The following FRMPD1 variants were observed in gnomAD, a reference collection of about 807,000 sequenced individuals.
FRMPD1 encodes FERM and PDZ domain-containing protein 1.
Under a neutral mutation model 117.8 loss-of-function variants are expected in FRMPD1, and 76 were observed. The ratio of observed to expected loss-of-function variants is 0.65; its 90% confidence interval spans 0.54 to 0.78. The LOEUF (loss-of-function observed/expected upper bound fraction) is 0.78. Ranked by LOEUF, FRMPD1 falls within the 30% of genes least tolerant of loss-of-function variation. The probability of loss-of-function intolerance (pLI) is 0.00; values close to 1 mark genes in which losing one functional copy is unlikely to be tolerated. For synonymous variants in FRMPD1, 783 were observed against 770.4 expected (o/e 1.02, Z -0.27); for missense variants, 1,786 against 1,964.5 (o/e 0.91, Z 1.72).
In FRMPD1 at chr9:37,746,537, GC is replaced by G; in HGVS notation, c.4507del (p.Leu1503CysfsTer22). The G allele has an allele frequency of 1.2e-6, 2 of 1,613,740 alleles. No homozygotes were observed. Among genetic ancestry groups the G allele is most frequent in the Non-Finnish European group, 1.7e-6 (2 of 1,179,986 alleles). Reference sequence around the variant, plus strand: ...TTCCAGCACCTGGTCCAGCTGGCCGGCCTGTGCTTTCAGTTCACAGACTGTA... The same window carrying G: ...TTCCAGCACCTGGTCCAGCTGGCCGGCTGTGCTTTCAGTTCACAGACTGTA... Reference protein sequence around the residue: ...DTFQHLVQLAGLCFQFTDCSR... With the variant: ...DTFQHLVQLAXLCFQFTDCSR... On this transcript the variant is annotated frameshift_variant, in exon 16 of 16. Transcript: ENST00000377765. LOFTEE classifies it high-confidence loss of function.
chr9:37,720,193 A>G (rs576839737), intron 6 of FRMPD1, among the ~76,000 whole-genome samples: 1 of 152,354 alleles, frequency 6.6e-6, no homozygotes, highest in Admixed American at 6.5e-5. Flanking sequence ...GGAAGGGGCC[A>G]GTGGGAGGCC....
chr9:37,639,533 A>G, the FRMPD1 span, among the ~76,000 whole-genome samples: 4 of 152,268 alleles, frequency 2.6e-5, no homozygotes, highest in East Asian at 5.8e-4. Context: ...GACATACATT[A>G]TGTCTCCTAG....
the FRMPD1 span, among the ~76,000 whole-genome samples, chr9:37,622,972 G>A: frequency 6.6e-6 from 1 of 151,520 alleles, no homozygotes; most frequent in Non-Finnish European, 1.5e-5. Context: ...TCTCCAAAGA[G>A]GGATCTTTTT....
At position 37,662,843 on chromosome 9, in the gene FRMPD1, C is replaced by G. The variant is rs943560584; in HGVS notation, c.-5+11749C>G. 6.6e-5 allele frequency among the ~76,000 whole-genome samples: 10 copies of G among 152,208 alleles called. No homozygotes were observed. The East Asian group carries it at 1.9e-3, about 29-fold the overall frequency. On this transcript the variant is annotated intron_variant, in intron 1 of 15. Coordinates refer to ENST00000377765, the MANE Select transcript of FRMPD1 (RefSeq NM_014907.3). ...TATGTACAGAAGCTCTTGGGACATG[C>G]AGCTCAGTTTAACAAGTACTGTTTG...
At chr9:37,695,997 T>G (rs1310891099) in intron 2 of FRMPD1, among the ~76,000 whole-genome samples, 8 of 150,014 alleles carry the variant, frequency 5.3e-5, no homozygotes, top group South Asian at 4.3e-4. Flanking sequence ...AGCCCAACTG[T>G]CCAGCCTCAC....
intron 2 of FRMPD1, among the ~76,000 whole-genome samples, chr9:37,696,432 A>G (rs923700645): frequency 1.3e-5 from 2 of 152,188 alleles, no homozygotes; most frequent in Non-Finnish European, 2.9e-5. Context: ...CGTCAGCCTT[A>G]ACAGAGTCCA....
intron 2 of FRMPD1, among the ~76,000 whole-genome samples, chr9:37,694,962 T>C (rs1822268977): frequency 6.6e-6 from 1 of 152,070 alleles, no homozygotes; most frequent in Non-Finnish European, 1.5e-5. Flanking sequence ...ATTCATCAGT[T>C]GATTTAACAT....
intron 1 of FRMPD1, among the ~76,000 whole-genome samples, chr9:37,660,576 G>A (rs1820972114): frequency 6.6e-6 from 1 of 152,170 alleles, no homozygotes; most frequent in South Asian, 2.1e-4. Context: ...TTTAAAGTAG[G>A]TTTAAACAAT....
chr9:37,701,510 C>CGTGTGTGTGTGT (rs58458625), intron 2 of FRMPD1, among the ~76,000 whole-genome samples: 64 of 146,806 alleles, frequency 4.4e-4, no homozygotes, highest in African/African-American at 1.6e-3. Flanking sequence ...TGTGCATGTA[C>CGTGTGTGTGTGT]GTGTGTGTGT....
In FRMPD1 at chr9:37,740,469, A is replaced by T. The variant is rs775575320; in HGVS notation, c.1941A>T (p.Arg647Ser). The T allele has an allele frequency of 1.2e-6, 2 of 1,614,166 alleles. No homozygotes were observed. The highest frequency in any genetic ancestry group is 1.7e-5 in the Admixed American group (1 of 60,026). Residue 647 changes from arginine to serine, a missense_variant, in exon 15 of 16, where the codon AGA (arginine) becomes AGT (serine). Physicochemically the swap from Arg to Ser is moderately radical, Grantham distance 110. Transcript: ENST00000377765. The surrounding 1 kb of genome is among the most constrained non-coding windows in gnomAD (Gnocchi z 4.2). ...ESIDSDSQEERSGIETSGFLC... is the reference protein window; with the variant it reads ...ESIDSDSQEESSGIETSGFLC... Reference sequence around the variant, plus strand: ...TTGACTCTGACAGCCAGGAGGAGAGAAGCGGGATTGAAACCAGTGGCTTCC... The same window carrying T: ...TTGACTCTGACAGCCAGGAGGAGAGTAGCGGGATTGAAACCAGTGGCTTCC...
intron 1 of FRMPD1, among the ~76,000 whole-genome samples, chr9:37,670,368 G>C (rs1821310236): frequency 6.6e-6 from 1 of 152,312 alleles, no homozygotes; most frequent in East Asian, 1.9e-4. Context: ...TGGAAGCCTA[G>C]AGATGGTAGA....
At chr9:37,694,240 T>C (rs1363916501) in intron 2 of FRMPD1, among the ~76,000 whole-genome samples, 2 of 152,252 alleles carry the variant, frequency 1.3e-5, no homozygotes, top group Non-Finnish European at 2.9e-5. Context: ...TGGGAAATGA[T>C]GCATCCTATA....
chr9:37,648,224 C>T (rs563928069), upstream of FRMPD1, among the ~76,000 whole-genome samples: 5 of 152,196 alleles, frequency 3.3e-5, no homozygotes, highest in Admixed American at 1.3e-4. Context: ...GGTTAAAAAG[C>T]AGCATTGGGA....
chr9:37,722,044 A>G (rs1823421722), intron 6 of FRMPD1, among the ~76,000 whole-genome samples: 1 of 152,210 alleles, frequency 6.6e-6, no homozygotes, highest in African/African-American at 2.4e-5. Flanking sequence ...AGTACTAAGG[A>G]AAAAATTTCC....
chr9:37,732,956 T>C lies in FRMPD1; in HGVS notation c.995+516T>C, dbSNP rs144100960. On this transcript the variant is annotated intron_variant, in intron 10 of 15. Coordinates refer to ENST00000377765, the MANE Select transcript of FRMPD1 (RefSeq NM_014907.3). ...AGCATCAGAATCAGATGGGGAATCA[T>C]ATTTTTAAAAATACAGCATATCCTT... is the stretch of plus-strand genomic sequence containing the variant. Among the ~76,000 whole-genome samples, 4 of 152,318 alleles carry C rather than the reference T, an allele frequency of 2.6e-5. No homozygotes were observed. In the East Asian group the frequency reaches 5.8e-4, roughly 22 times the overall value.
chr9:37,628,094 G>T, the FRMPD1 span, among the ~76,000 whole-genome samples: 62 of 152,306 alleles, frequency 4.1e-4, no homozygotes, highest in African/African-American at 1.4e-3. Context: ...ATGCTGTTTT[G>T]CACATAATAG....
intron 13 of FRMPD1, 95 bp from the exon 14 acceptor site, chr9:37,737,001 C>T: frequency 1.1e-6 from 1 of 931,536 alleles, no homozygotes; most frequent in Non-Finnish European, 1.7e-6. Context: ...CCGGATTTAC[C>T]TGGAATCTCT....
intron 14 of FRMPD1, among the ~76,000 whole-genome samples, chr9:37,739,646 A>C (rs886068157): frequency 6.6e-6 from 1 of 152,204 alleles, no homozygotes; most frequent in Non-Finnish European, 1.5e-5. Flanking sequence ...GACTCAGTAC[A>C]TCAGGGGTAG....
intron 5 of FRMPD1, among the ~76,000 whole-genome samples, chr9:37,717,223 A>C (rs1325398637): frequency 6.6e-6 from 1 of 150,848 alleles, no homozygotes; most frequent in South Asian, 2.1e-4. Context: ...GTTCTTGGTA[A>C]CTCCATATTG....
Sources: allele counts gnomAD v4.1 joint callset (sites outside exome capture counted in the v4.1 genomes callset), GRCh38; gene constraint gnomAD v4.1.1; non-coding constraint Gnocchi (gnomAD v3.1); transcripts MANE v1.5; gene names NCBI Gene and HGNC (gene_info 2026-07-23, HGNC 2026-07-21).